NECTIN3: variants seen among roughly 807,000 people sequenced by gnomAD.
The protein encoded by NECTIN3 is nectin cell adhesion molecule 3, also known as nectin-3.
A neutral mutation model predicts 49.4 loss-of-function variants in NECTIN3; 8 were observed. That is an observed-to-expected ratio of 0.16 (90% confidence interval 0.10 to 0.29). NECTIN3 has a LOEUF of 0.29. NECTIN3 is among the 10% of genes least tolerant of loss of function. The pLI, the probability that NECTIN3 is intolerant of heterozygous loss-of-function variation, is 1.00. For synonymous variants in NECTIN3, 277 were observed against 241.1 expected (o/e 1.15, Z -1.38); for missense variants, 581 against 654.6 (o/e 0.89, Z 1.23).
chr3:111,169,353 G>A (rs2035389779), intron 7 of NECTIN3, among the ~76,000 whole-genome samples: 1 of 145,200 alleles, frequency 6.9e-6, no homozygotes, highest in Admixed American at 6.9e-5. Flanking sequence ...GCCTCCCAAA[G>A]TGCTGGGATT....
At chr3:111,172,154 G>C (rs1029040791) in intron 7 of NECTIN3, among the ~76,000 whole-genome samples, 4 of 151,986 alleles carry the variant, frequency 2.6e-5, no homozygotes, top group African/African-American at 9.7e-5. Context: ...CCTTGTATTT[G>C]TAGCAGCTGC....
intron 1 of NECTIN3, among the ~76,000 whole-genome samples, chr3:111,106,988 T>G (rs913049515): frequency 3.9e-5 from 6 of 152,108 alleles, no homozygotes; most frequent in Non-Finnish European, 7.4e-5. Context: ...GTCAAAAGTT[T>G]GTGATGGTTT....
At chr3:111,108,418 A>G (rs926699794) in intron 1 of NECTIN3, among the ~76,000 whole-genome samples, 1 of 152,040 alleles carries the variant, frequency 6.6e-6, no homozygotes, top group Non-Finnish European at 1.5e-5. Flanking sequence ...CCACCCCACA[A>G]CAGTATCTCC....
intron 1 of NECTIN3, among the ~76,000 whole-genome samples, chr3:111,089,895 T>C (rs1260877323): frequency 6.6e-6 from 1 of 152,168 alleles, no homozygotes; most frequent in Non-Finnish European, 1.5e-5. Flanking sequence ...ATTTTTTCTT[T>C]TGATTCTGTG....
chr3:111,131,387 C>T (rs2034384054), intron 5 of NECTIN3, among the ~76,000 whole-genome samples: 1 of 151,868 alleles, frequency 6.6e-6, no homozygotes, highest in Non-Finnish European at 1.5e-5. Flanking sequence ...GAAAAATAGT[C>T]CTACCTTATA....
At chr3:111,112,953 C>T (rs1425895521) in intron 2 of NECTIN3, among the ~76,000 whole-genome samples, 1 of 152,002 alleles carries the variant, frequency 6.6e-6, no homozygotes, top group Non-Finnish European at 1.5e-5. Flanking sequence ...GAAATGTAAA[C>T]CAATTTGGAA....
chr3:111,159,059 C>G (rs2035155688), intron 7 of NECTIN3, among the ~76,000 whole-genome samples: 1 of 152,162 alleles, frequency 6.6e-6, no homozygotes, highest in South Asian at 2.1e-4. Flanking sequence ...GATTTGCTGA[C>G]ATTAAGACTG....
chr3:111,177,514 T>G (rs539226554), intron 7 of NECTIN3, among the ~76,000 whole-genome samples: 1 of 152,302 alleles, frequency 6.6e-6, no homozygotes, highest in East Asian at 1.9e-4. Flanking sequence ...AAGATGTGTA[T>G]TTTTTAAGAT....
chr3:111,153,147 T>C (rs1439885951), intron 7 of NECTIN3, among the ~76,000 whole-genome samples: 1 of 151,926 alleles, frequency 6.6e-6, no homozygotes, highest in South Asian at 2.1e-4. Flanking sequence ...AGCATGGTTC[T>C]CCCCTTGAGT....
At chr3:111,098,916 TAAAC>T (rs1179841778) in intron 1 of NECTIN3, among the ~76,000 whole-genome samples, 1 of 138,094 alleles carries the variant, frequency 7.2e-6, no homozygotes, top group African/African-American at 2.9e-5. Context: ...GGTTGTTAAA[TAAAC>T]GTTAGTTTAA....
intron 7 of NECTIN3, among the ~76,000 whole-genome samples, chr3:111,148,965 A>G (rs1165888172): frequency 6.6e-6 from 1 of 152,120 alleles, no homozygotes; most frequent in Non-Finnish European, 1.5e-5. Context: ...TAGAATGTAG[A>G]AAAAAGTCTT....
chr3:111,078,046 A>G (rs1486412925), intron 1 of NECTIN3, among the ~76,000 whole-genome samples: 1 of 152,192 alleles, frequency 6.6e-6, no homozygotes, highest in Non-Finnish European at 1.5e-5. Context: ...TTTCTTTCAT[A>G]GTAATGTTTT....
chr3:111,151,144 C>A (rs993808593), intron 7 of NECTIN3, among the ~76,000 whole-genome samples: 2 of 151,696 alleles, frequency 1.3e-5, no homozygotes, highest in Admixed American at 6.6e-5. Context: ...TTTAATTTGA[C>A]AGATCAAAAT....
chr3:111,132,300 A>G (rs888529287), intron 5 of NECTIN3, among the ~76,000 whole-genome samples: 1 of 151,954 alleles, frequency 6.6e-6, no homozygotes, highest in Admixed American at 6.6e-5. Flanking sequence ...ATTAAATTTT[A>G]TACTGTACTT....
intron 1 of NECTIN3, among the ~76,000 whole-genome samples, chr3:111,105,162 A>G (rs1280714353): frequency 8.9e-6 from 1 of 112,280 alleles, no homozygotes; most frequent in South Asian, 2.7e-4. Context: ...TTTTTTTTTG[A>G]GACAGGGTCT....
rs2034487094 is a variant in NECTIN3 at position 111,133,986 on chromosome 3, A to G, written c.1421A>G (p.Asn474Ser). The change falls in exon 6 of 6, where the codon AAC becomes AGC. Residue 474 changes from asparagine to serine, a missense_variant. This residue lies in a region of NECTIN3 where 238 missense variants were observed against 244.9 expected (regional missense o/e 0.97). Transcript: ENST00000485303. Reference protein sequence around the residue: ...DSYPDSVKKENKNPVNNLIRK... With the variant: ...DSYPDSVKKESKNPVNNLIRK... ...TACCCAGACAGTGTAAAAAAAGAAA[A>G]CAAAAATCCAGTGAACAATCTAATA... 1.2e-6 allele frequency: 2 copies of G among 1,613,278 alleles called. No individual in the cohort carries two copies. The highest frequency in any genetic ancestry group is 1.7e-6 in the Non-Finnish European group (2 of 1,179,710).
At position 111,108,227 on chromosome 3, in the gene NECTIN3, T is replaced by C. The variant is rs528679267; in HGVS notation, c.161-3803T>C. Among the ~76,000 whole-genome samples, 69 of 151,760 alleles carry C rather than the reference T, an allele frequency of 4.5e-4. No homozygotes were observed. The East Asian group carries it at 6.2e-3, about 14-fold the overall frequency. ...TTAAAATATAGCCACTTCTAAATTT[T>C]TTTTTTTTTTTTGTAAATATCAACT... On this transcript the variant is annotated intron_variant, in intron 1 of 5. Transcript: ENST00000485303.
upstream of NECTIN3, among the ~76,000 whole-genome samples, chr3:111,190,781 A>G (rs1477623049): frequency 4.6e-5 from 7 of 152,254 alleles, no homozygotes; most frequent in Non-Finnish European, 1.0e-4. Flanking sequence ...CATTCAGACC[A>G]TTAGCAATGG....
At chr3:111,176,765 C>T (rs1419925719) in intron 7 of NECTIN3, among the ~76,000 whole-genome samples, 1 of 151,634 alleles carries the variant, frequency 6.6e-6, no homozygotes, top group Admixed American at 6.6e-5. Context: ...CAAGAGATAA[C>T]TTAGAAGGCT....
Sources: allele counts gnomAD v4.1 joint callset (sites outside exome capture counted in the v4.1 genomes callset), GRCh38; gene constraint gnomAD v4.1.1; regional missense constraint gnomAD v4.1.1; transcripts MANE v1.5; gene names NCBI Gene and HGNC (gene_info 2026-07-23, HGNC 2026-07-21).